Variants in IL6R observed in about 807,000 individuals in gnomAD.
The protein encoded by IL6R is interleukin 6 receptor.
IL6R carries 38 observed loss-of-function variants against 48.3 expected under a neutral mutation model. That is an observed-to-expected ratio of 0.79 (90% CI 0.61 to 1.03). The LOEUF is 1.03. Ranked by LOEUF, IL6R falls within the 50% of genes least tolerant of loss-of-function variation. The pLI is 0.00. For missense variants in IL6R, 534 were observed against 618.3 expected (o/e 0.86, Z 1.45); for synonymous variants, 264 against 256.2 (o/e 1.03, Z -0.29).
At chr1:154,464,816 G>A (rs1047590161) in intron 9 of IL6R, among the ~76,000 whole-genome samples, 9 of 152,074 alleles carry the variant, frequency 5.9e-5, no homozygotes, top group East Asian at 3.9e-4. Context: ...AAAATCAGTC[G>A]GATGTAGTGG....
rs1690533556 is a variant in IL6R at position 154,450,651 on chromosome 1, G to A, written c.1066+671G>A. Reference sequence around the variant, plus strand: ...TATTTTGGGAGCCCTTGATTTCAATGCTTTTGATTCCCTATCCCTGCAAGA... The same window carrying A: ...TATTTTGGGAGCCCTTGATTTCAATACTTTTGATTCCCTATCCCTGCAAGA... On this transcript the variant is annotated intron_variant, in intron 8 of 9. Coordinates refer to ENST00000368485, the MANE Select transcript of IL6R (RefSeq NM_000565.4). 1.3e-5 allele frequency among the ~76,000 whole-genome samples: 2 copies of A among 152,236 alleles called. 1 individual carries two copies. The highest frequency in any genetic ancestry group is 4.1e-4 in the South Asian group (2 of 4,838).
intron 7 of IL6R, among the ~76,000 whole-genome samples, chr1:154,448,389 C>G (rs781324792): frequency 6.6e-6 from 1 of 152,188 alleles, no homozygotes; most frequent in Non-Finnish European, 1.5e-5. Context: ...GCCTGGCGTG[C>G]AGAACTGCTC....
At chr1:154,413,483 T>G (rs1429910440) in intron 1 of IL6R, among the ~76,000 whole-genome samples, 2 of 152,252 alleles carry the variant, frequency 1.3e-5, no homozygotes, top group African/African-American at 2.4e-5. Flanking sequence ...AGAATAGAAG[T>G]TGCACCAATT....
At chr1:154,411,844 G>A (rs1299344859) in intron 1 of IL6R, among the ~76,000 whole-genome samples, 1 of 151,948 alleles carries the variant, frequency 6.6e-6, no homozygotes, top group Non-Finnish European at 1.5e-5. Context: ...CTCCAACCTG[G>A]GTGACAAAGC....
At chr1:154,431,137 AG>A (rs1689271580) in intron 3 of IL6R, among the ~76,000 whole-genome samples, 1 of 149,682 alleles carries the variant, frequency 6.7e-6, no homozygotes, top group South Asian at 2.1e-4. Context: ...GGCGGGGGAG[AG>A]GGAGCTTGGG....
intron 1 of IL6R, among the ~76,000 whole-genome samples, chr1:154,427,033 C>T (rs1689017055): frequency 1.3e-5 from 2 of 152,138 alleles, no homozygotes; most frequent in Non-Finnish European, 2.9e-5. Context: ...ATTCTCCTGC[C>T]TCAGCCTCCC....
chr1:154,429,149 C>G (rs1392216106), intron 1 of IL6R, 47 bp from the exon 2 acceptor site: 1 of 1,582,216 alleles, frequency 6.3e-7, no homozygotes, highest in East Asian at 2.3e-5. Context: ...ACGAAGCCCC[C>G]TTCTTCAGTG....
intron 1 of IL6R, chr1:154,414,583 G>T: frequency 1.3e-6 from 1 of 751,342 alleles, no homozygotes; most frequent in Non-Finnish European, 2.4e-6. Context: ...TTTCTCATAG[G>T]CTTTCTTGAT....
In IL6R at chr1:154,434,522, G is replaced by C; in HGVS notation, c.462G>C (p.Gln154His). Reference sequence around the variant, plus strand: ...GCCCTTGTTTTGTGTCTAACAGTCAGAACAGTCCGGCCGAAGACTTCCAGG... The same window carrying C: ...GCCCTTGTTTTGTGTCTAACAGTCACAACAGTCCGGCCGAAGACTTCCAGG... The part of the protein sequence containing the change: ...TKAVLLVRKF[Q>H]NSPAEDFQEP... The change falls in exon 4 of 10, where the codon CAG (glutamine) becomes CAC (histidine). Residue 154 changes from glutamine to histidine, a missense_variant. Gln to His is a conservative substitution (Grantham distance 24, BLOSUM62 0). Coordinates refer to ENST00000368485, the MANE Select transcript of IL6R (RefSeq NM_000565.4). 1.2e-6 allele frequency: 2 copies of C among 1,613,048 alleles called. No individual in the cohort carries two copies. The highest frequency in any genetic ancestry group is 2.7e-5 in the African/African-American group (2 of 74,984).
chr1:154,407,704 G>A (rs1033131677), intron 1 of IL6R, among the ~76,000 whole-genome samples: 1 of 152,156 alleles, frequency 6.6e-6, no homozygotes, highest in African/African-American at 2.4e-5. Flanking sequence ...TACAGCCTGC[G>A]GGGCTCTTAG....
intron 9 of IL6R, among the ~76,000 whole-genome samples, chr1:154,461,952 C>T (rs557858331): frequency 1.3e-5 from 2 of 152,224 alleles, no homozygotes; most frequent in South Asian, 2.1e-4. Flanking sequence ...ATTAGGGGTC[C>T]GTAAAACATC....
At chr1:154,421,242 A>C (rs530364074) in intron 1 of IL6R, among the ~76,000 whole-genome samples, 11 of 152,292 alleles carry the variant, frequency 7.2e-5, no homozygotes, top group African/African-American at 2.2e-4. Context: ...AACAAGAAGC[A>C]ATGGAATGCT....
intron 9 of IL6R, among the ~76,000 whole-genome samples, chr1:154,464,258 G>A (rs1406347027): frequency 2.6e-5 from 4 of 151,388 alleles, no homozygotes; most frequent in African/African-American, 9.7e-5. Flanking sequence ...GTGTTCAAGC[G>A]ATTCTCCTGC....
intron 6 of IL6R, among the ~76,000 whole-genome samples, chr1:154,447,737 G>A (rs1278147687): frequency 2.4e-5 from 3 of 123,388 alleles, no homozygotes; most frequent in East Asian, 2.2e-4. Flanking sequence ...TTTTTGAGAC[G>A]GAGTTTTGCT....
chr1:154,418,319 C>G (rs761195906), intron 1 of IL6R: 1 of 619,302 alleles, frequency 1.6e-6, no homozygotes, highest in Non-Finnish European at 2.0e-6. Flanking sequence ...GCACGTGGGT[C>G]TCTGAGTCAG....
chr1:154,436,225 T>G (rs1363243274), intron 6 of IL6R, 115 bp downstream of exon 6: 2 of 1,172,786 alleles, frequency 1.7e-6, no homozygotes, highest in Non-Finnish European at 2.4e-6. Flanking sequence ...GTGTGGTGGC[T>G]CACACCTGTA....
rs60033332 is a variant in IL6R, at chr1:154,457,322, CAAAAAAAAAAAA to C, written c.1160+2752_1160+2763del. On this transcript the variant is annotated intron_variant, in intron 9 of 9. Transcript: ENST00000368485. The stretch of plus-strand genomic sequence containing the variant: ...TGGACAACAGAGCAAGACTCCGTCT[CAAAAAAAAAAAA>C]AAAAAAAAAAGAAAAGAAAAGAAGA... Among the ~76,000 whole-genome samples, 7 of 78,070 alleles carry C rather than the reference CAAAAAAAAAAAA, an allele frequency of 9.0e-5. No individual in the cohort carries two copies. The East Asian group carries it at 2.2e-3, about 24-fold the overall frequency. The allele number at this position is 78,070 out of a possible 152,430, so 51.2% of individuals were successfully genotyped here. A position where few individuals can be genotyped will look rare whatever the true frequency, so the allele number is the denominator to read the frequency against.
rs199999057 is a variant in IL6R, at chr1:154,436,013, C to T, written c.852C>T (p.Ser284=). 30 of 1,612,010 alleles carry T rather than the reference C, an allele frequency of 1.9e-5. No homozygotes were observed. The highest frequency in any genetic ancestry group is 1.3e-4 in the East Asian group (6 of 44,806). The change falls in exon 6 of 10, where the codon AGC becomes AGT. Residue 284 remains serine (S), a synonymous_variant. Transcript: ENST00000368485. ...ACTGTGTCATCCACGACGCCTGGAG[C>T]GGCCTGAGGCACGTGGTGCAGCTTC... is the stretch of plus-strand genomic sequence containing the variant. The part of the protein sequence containing the change: ...QHHCVIHDAW[S]GLRHVVQLRA...
In IL6R at chr1:154,451,640, G is replaced by A. The variant is rs372203599; in HGVS notation, c.1066+1660G>A. Among the ~76,000 whole-genome samples, 276 of 151,924 alleles carry A rather than the reference G, an allele frequency of 1.8e-3. 6 individuals carry two copies. In the South Asian group the frequency reaches 0.046, roughly 25 times the overall value. ...TTTTTGAGACGGAGTCTCGTCAAGC[G>A]ATTCTCCTGCCTCAGCCTCCCGAGT... On this transcript the variant is annotated intron_variant, in intron 8 of 9. Transcript: ENST00000368485.
Sources: gnomAD v4.1 joint callset for allele counts (sites outside exome capture counted in the v4.1 genomes callset) on GRCh38, gnomAD v4.1.1 for gene constraint, MANE v1.5 for transcripts, NCBI Gene and HGNC (gene_info 2026-07-23, HGNC 2026-07-21) for gene names.